The following TRPM3 variants were observed in gnomAD, a reference collection of about 807,000 sequenced individuals.
TRPM3 encodes the protein long transient receptor potential channel 3.
A neutral mutation model predicts 181.2 loss-of-function variants in TRPM3; 77 were observed. That is an observed-to-expected ratio of 0.42 (90% confidence interval 0.35 to 0.51). TRPM3 has a LOEUF of 0.51. Ranked by LOEUF, TRPM3 falls within the 20% of genes least tolerant of loss-of-function variation. The probability of loss-of-function intolerance (pLI) is 0.01; values close to 1 mark genes in which losing one functional copy is unlikely to be tolerated. For synonymous variants in TRPM3, 745 were observed against 796.4 expected (o/e 0.94, Z 1.09); for missense variants, 1,759 against 2,196.7 (o/e 0.80, Z 3.98).
chr9:71,280,514 A>G (rs552671051), intron 1 of TRPM3, among the ~76,000 whole-genome samples: 12 of 144,050 alleles, frequency 8.3e-5, no homozygotes, highest in African/African-American at 1.2e-4. Context: ...GCCATCTCAG[A>G]AAAAAAAAGA....
At chr9:71,389,455 C>T (rs1037751750) in intron 1 of TRPM3, among the ~76,000 whole-genome samples, 3 of 152,050 alleles carry the variant, frequency 2.0e-5, no homozygotes, top group Non-Finnish European at 4.4e-5. Flanking sequence ...GTAGAACTAC[C>T]ATTTGATCCA....
chr9:70,608,567 G>A (rs1435074532), intron 19 of TRPM3, among the ~76,000 whole-genome samples: 1 of 152,148 alleles, frequency 6.6e-6, no homozygotes, highest in African/African-American at 2.4e-5. Flanking sequence ...TGGGCGCAGT[G>A]GTTATTGCCT....
At chr9:71,374,217 T>G (rs1355711410) in intron 1 of TRPM3, among the ~76,000 whole-genome samples, 1 of 151,644 alleles carries the variant, frequency 6.6e-6, no homozygotes, top group Non-Finnish European at 1.5e-5. Context: ...CTACTAAAAA[T>G]ACAAAAATTA....
chr9:71,315,225 G>A (rs115845431), intron 1 of TRPM3, among the ~76,000 whole-genome samples: 278 of 152,120 alleles, frequency 1.8e-3, no homozygotes, highest in African/African-American at 6.4e-3. Flanking sequence ...CTTTTCCTAG[G>A]TTGTCCAGCC....
intron 1 of TRPM3, among the ~76,000 whole-genome samples, chr9:71,388,999 GA>G (rs1366163385): frequency 1.3e-5 from 2 of 152,030 alleles, no homozygotes; most frequent in Non-Finnish European, 2.9e-5. Flanking sequence ...AATGTTACAT[GA>G]TAAAAAGAAG....
chr9:70,920,407 T>C (rs920851268), intron 1 of TRPM3, among the ~76,000 whole-genome samples: 8 of 152,124 alleles, frequency 5.3e-5, no homozygotes, highest in Admixed American at 5.2e-4. Context: ...TGAAATGTGA[T>C]AATAAAATAA....
At chr9:70,671,609 T>C (rs572931803) in intron 9 of TRPM3, among the ~76,000 whole-genome samples, 2 of 152,332 alleles carry the variant, frequency 1.3e-5, no homozygotes, top group Admixed American at 1.3e-4. Context: ...GTAAACTTTA[T>C]GAGTATGACT....
intron 1 of TRPM3, among the ~76,000 whole-genome samples, chr9:71,326,808 C>T (rs1347486543): frequency 6.6e-6 from 1 of 152,156 alleles, no homozygotes; most frequent in East Asian, 1.9e-4. Context: ...TGATAATGAA[C>T]CTTCTCACAA....
intron 1 of TRPM3, among the ~76,000 whole-genome samples, chr9:71,025,267 C>A (rs970127546): frequency 6.6e-6 from 1 of 152,140 alleles, no homozygotes; most frequent in Non-Finnish European, 1.5e-5. Context: ...TAGTAATGAT[C>A]TAGACAGATG....
chr9:71,130,417 C>T (rs1157727753), intron 1 of TRPM3, among the ~76,000 whole-genome samples: 1 of 152,016 alleles, frequency 6.6e-6, no homozygotes, highest in East Asian at 1.9e-4. Flanking sequence ...AACTTTATGC[C>T]TGTTATAGTA....
At chr9:70,657,700 T>G (rs1446338627) in intron 9 of TRPM3, among the ~76,000 whole-genome samples, 1 of 152,164 alleles carries the variant, frequency 6.6e-6, no homozygotes, top group African/African-American at 2.4e-5. Context: ...GCTTTGACAT[T>G]GAGTTACAGG....
chr9:70,794,365 A>T (rs910963973), intron 6 of TRPM3, among the ~76,000 whole-genome samples: 1 of 151,974 alleles, frequency 6.6e-6, no homozygotes, highest in African/African-American at 2.4e-5. Context: ...GAGAGCAATC[A>T]CTCCTCTCTG....
intron 1 of TRPM3, among the ~76,000 whole-genome samples, chr9:71,213,334 T>C (rs1447038876): frequency 3.9e-5 from 6 of 152,222 alleles, no homozygotes; most frequent in Non-Finnish European, 8.8e-5. Flanking sequence ...CATCCCAGTT[T>C]GTGGGCTCTA....
At chr9:70,859,901 C>T (rs1203905012) in intron 3 of TRPM3, among the ~76,000 whole-genome samples, 1 of 152,152 alleles carries the variant, frequency 6.6e-6, no homozygotes, top group Non-Finnish European at 1.5e-5. Context: ...TGTGGTGATC[C>T]ACAGACCACA....
chr9:71,038,716 A>T (rs1442381763), intron 1 of TRPM3, among the ~76,000 whole-genome samples: 1 of 152,186 alleles, frequency 6.6e-6, no homozygotes, highest in Non-Finnish European at 1.5e-5. Context: ...TATGGAACTT[A>T]CAGTCCAATA....
At chr9:70,974,460 AC>A (rs1186503933) in intron 1 of TRPM3, among the ~76,000 whole-genome samples, 1 of 151,660 alleles carries the variant, frequency 6.6e-6, no homozygotes, top group Non-Finnish European at 1.5e-5. Flanking sequence ...AATGGTGTGA[AC>A]CCGGGAGGCG....
At chr9:70,693,276 T>C (rs1305256888) in intron 8 of TRPM3, among the ~76,000 whole-genome samples, 1 of 152,160 alleles carries the variant, frequency 6.6e-6, no homozygotes, top group African/African-American at 2.4e-5. Context: ...AGCAATAATA[T>C]TTCCAGAAGC....
At chr9:71,061,231 G>A (rs777472881) in intron 1 of TRPM3, among the ~76,000 whole-genome samples, 5 of 152,052 alleles carry the variant, frequency 3.3e-5, no homozygotes, top group Non-Finnish European at 5.9e-5. Flanking sequence ...CTGAAGAGGT[G>A]GACAGAGGCC....
At chr9:70,666,568 A>G (rs562963160) in intron 9 of TRPM3, among the ~76,000 whole-genome samples, 2 of 152,330 alleles carry the variant, frequency 1.3e-5, no homozygotes, top group African/African-American at 4.8e-5. Flanking sequence ...AAGGCATTGC[A>G]AAGTTGTATA....
Sources: allele counts gnomAD v4.1 joint callset (sites outside exome capture counted in the v4.1 genomes callset), GRCh38; gene constraint gnomAD v4.1.1; transcripts MANE v1.5; gene names NCBI Gene and HGNC (gene_info 2026-07-23, HGNC 2026-07-21).